DOLPP1: variants seen among roughly 807,000 people sequenced by gnomAD.
DOLPP1 encodes dolichyl pyrophosphate phosphatase 1.
In DOLPP1, 15 loss-of-function variants were observed where a neutral mutation model predicts 34.1. The observed-to-expected ratio is 0.44, with a 90% CI of 0.29 to 0.68. DOLPP1 has a LOEUF of 0.68. Ranked by LOEUF, DOLPP1 falls within the 30% of genes least tolerant of loss-of-function variation. DOLPP1 has a pLI of 0.12. For synonymous variants in DOLPP1, 130 were observed against 128.2 expected (o/e 1.01, Z -0.10); for missense variants, 249 against 307.1 (o/e 0.81, Z 1.41).
intron 7 of DOLPP1, 47 bp downstream of exon 7, chr9:129,086,845 C>G: frequency 6.4e-7 from 1 of 1,550,654 alleles, no homozygotes; most frequent in African/African-American, 1.4e-5. Flanking sequence ...CACAGGCAGC[C>G]TCTGCCTCCA....
chr9:129,082,248 T>G (rs1432911606), intron 1 of DOLPP1, among the ~76,000 whole-genome samples: 5 of 152,206 alleles, frequency 3.3e-5, no homozygotes, highest in Non-Finnish European at 5.9e-5. Flanking sequence ...CAGGACTGAA[T>G]GCCAAAGAAC....
intron 1 of DOLPP1, 71 bp downstream of exon 1, chr9:129,081,278 C>A (rs997607782): frequency 2.5e-6 from 4 of 1,572,910 alleles, no homozygotes; most frequent in Admixed American, 3.5e-5. Flanking sequence ...CTCCGGCCTG[C>A]TCGAGCCCGC....
At chr9:129,087,255 C>G (rs576418640) in intron 7 of DOLPP1, among the ~76,000 whole-genome samples, 3 of 151,944 alleles carry the variant, frequency 2.0e-5, no homozygotes, top group African/African-American at 4.8e-5. Flanking sequence ...CATGCTGTTT[C>G]ATTCACCCCA....
chr9:129,085,123 C>T lies in DOLPP1; in HGVS notation c.262+16C>T, dbSNP rs975664693. ...CCCTGTGGAGGTAGGGCCTCAGCTG[C>T]GAGGGCCTGAGGTTCCCCCAGGTTG... On this transcript the variant is annotated intron_variant, in intron 3 of 7. Coordinates refer to ENST00000372546, the MANE Select transcript of DOLPP1 (RefSeq NM_020438.5). The surrounding 1 kb of genome is among the most constrained non-coding windows in gnomAD (Gnocchi z 7.0). 6 of 1,603,234 alleles carry T rather than the reference C, an allele frequency of 3.7e-6. No homozygotes were observed. Among genetic ancestry groups the T allele is most frequent in the East Asian group, 2.2e-5 (1 of 44,850 alleles).
In DOLPP1 at chr9:129,089,137, TC is replaced by T; in HGVS notation, c.*131del. ...AGTCACCAAGTGGAGCCTTTTTTTT[TC>T]TTATTTTAATTTTAATGAACAAGGT... On this transcript the variant is annotated 3_prime_UTR_variant, in exon 8 of 8. Transcript: ENST00000372546. The surrounding 1 kb of genome is among the most constrained non-coding windows in gnomAD (Gnocchi z 4.9). 1.1e-6 allele frequency: 1 copy of T among 895,844 alleles called. No homozygotes were observed. The highest frequency in any genetic ancestry group is 1.7e-6 in the Non-Finnish European group (1 of 585,982). 55.5% of individuals were successfully genotyped at this position (895,844 alleles called of 1,614,324 possible).
chr9:129,081,343 G>C, intron 1 of DOLPP1, 136 bp downstream of exon 1: 2 of 1,117,798 alleles, frequency 1.8e-6, no homozygotes, highest in Middle Eastern at 3.0e-4. Flanking sequence ...ACCACGGAGG[G>C]GCTCGGCCGG....
rs549882728 is a variant in DOLPP1, at chr9:129,088,887, G to T, written c.681-84G>T. The T allele has an allele frequency of 1.2e-5, 17 of 1,431,616 alleles. No individual in the cohort carries two copies. In the East Asian group the frequency reaches 1.8e-4, roughly 15 times the overall value. 88.7% of individuals were successfully genotyped at this position (1,431,616 alleles called of 1,614,324 possible). On this transcript the variant is annotated intron_variant, in intron 7 of 7. Transcript: ENST00000372546. ...CTGGGTGTGGGCATTTGCCTACTTA[G>T]TTGGGACTACGGGTGGGGTGGGGAC...
chr9:129,084,888 C>T (rs940329725), intron 2 of DOLPP1, 120 bp downstream of exon 2: 28 of 1,137,632 alleles, frequency 2.5e-5, no homozygotes, highest in Admixed American at 4.0e-5. Flanking sequence ...TCTTGAGGTG[C>T]GTGGAGCCTC....
In DOLPP1 at chr9:129,085,641, C is replaced by T. The variant is rs756848970; in HGVS notation, c.461+25C>T. On this transcript the variant is annotated intron_variant, in intron 5 of 7. Transcript: ENST00000372546. The surrounding 1 kb of genome is among the most constrained non-coding windows in gnomAD (Gnocchi z 7.0). ...GGTATGGAGGAGGGAGAGCCCCTGC[C>T]TGCACCCTGCCCATGTGGGGTCCTG... 2 of 1,579,570 alleles carry T rather than the reference C, an allele frequency of 1.3e-6. No individual in the cohort carries two copies. The highest frequency in any genetic ancestry group is 1.7e-5 in the Admixed American group (1 of 58,138).
chr9:129,086,357 C>A, intron 6 of DOLPP1, 90 bp downstream of exon 6: 1 of 1,482,918 alleles, frequency 6.7e-7, no homozygotes, highest in East Asian at 2.4e-5. Context: ...GTCTTGACCC[C>A]AGCCCCTGTC....
rs898305053 is a variant in DOLPP1 at position 129,081,171 on chromosome 9, C to T, written c.40C>T (p.Arg14Trp). ...ACAGTGCTCGCTCCCCGCTTCATGGCGGCCGGTGACCCTCACCCACGTCGA... is the reference window on the plus strand; with the variant it reads ...ACAGTGCTCGCTCCCCGCTTCATGGTGGCCGGTGACCCTCACCCACGTCGA... The part of the protein sequence containing the change: ...DGQCSLPASW[R>W]PVTLTHVEYP... Residue 14 changes from arginine (R) to tryptophan (W), a missense_variant, in exon 1 of 8, where the codon CGG (arginine) becomes TGG (tryptophan). Arg to Trp is a moderately radical substitution (Grantham distance 101). Transcript: ENST00000372546. 1.9e-6 allele frequency: 3 copies of T among 1,609,898 alleles called. No individual in the cohort carries two copies. Among genetic ancestry groups the T allele is most frequent in the African/African-American group, 2.7e-5 (2 of 74,790 alleles).
intron 7 of DOLPP1, among the ~76,000 whole-genome samples, chr9:129,087,961 A>T (rs111840376): frequency 2.0e-5 from 3 of 151,626 alleles, no homozygotes; most frequent in African/African-American, 7.3e-5. Context: ...ATCTCAGGGC[A>T]CACCTGTTCT....
intron 7 of DOLPP1, 116 bp downstream of exon 7, chr9:129,086,914 C>A: frequency 1.2e-6 from 1 of 815,888 alleles, no homozygotes; most frequent in Non-Finnish European, 2.1e-6. Flanking sequence ...TGCATTAACT[C>A]ATTGAATCCT....
At chr9:129,083,262 G>T (rs966487293) in intron 1 of DOLPP1, among the ~76,000 whole-genome samples, 3 of 152,202 alleles carry the variant, frequency 2.0e-5, no homozygotes, top group Admixed American at 6.5e-5. Flanking sequence ...CCAGGGTAGT[G>T]CTGGCTCTGG....
In DOLPP1 at chr9:129,084,477, TA is replaced by T. The variant is rs1588430933; in HGVS notation, c.77-190del. On this transcript the variant is annotated intron_variant, in intron 1 of 7. Transcript: ENST00000372546. ...CTGTGTGCACTTTAGTGCTAAGTAG[TA>T]GACAGCATCACGTATGGCTGTGACT... The T allele has an allele frequency of 1.8e-5, 12 of 678,982 alleles. No homozygotes were observed. The East Asian group carries it at 3.0e-4, about 17-fold the overall frequency. 42.1% of individuals were successfully genotyped at this position (678,982 alleles called of 1,614,324 possible).
intron 7 of DOLPP1, among the ~76,000 whole-genome samples, chr9:129,087,628 T>C (rs907013874): frequency 5.9e-5 from 9 of 152,088 alleles, no homozygotes; most frequent in Admixed American, 3.9e-4. Context: ...AGGCCGGCCC[T>C]TCTCTGGGTT....
chr9:129,083,657 C>T (rs777512993), intron 1 of DOLPP1, among the ~76,000 whole-genome samples: 1 of 152,228 alleles, frequency 6.6e-6, no homozygotes, highest in Non-Finnish European at 1.5e-5. Flanking sequence ...CTCTCCACCT[C>T]TGCCCCAACA....
rs1023950260 is a variant in DOLPP1, at chr9:129,085,391, C to G, written c.362+85C>G. On this transcript the variant is annotated intron_variant, in intron 4 of 7. Coordinates refer to ENST00000372546, the MANE Select transcript of DOLPP1 (RefSeq NM_020438.5). The surrounding 1 kb of genome is among the most constrained non-coding windows in gnomAD (Gnocchi z 7.0). The stretch of plus-strand genomic sequence containing the variant: ...ACTCACTGCTAGCCCTTTGGATGCC[C>G]CTGGGGTGGGAGGGGCTGCAGCGGA... 6.5e-7 allele frequency: 1 copy of G among 1,529,658 alleles called. No homozygotes were observed. Among genetic ancestry groups the G allele is most frequent in the Non-Finnish European group, 9.0e-7 (1 of 1,105,446 alleles). 94.8% of individuals were successfully genotyped at this position (1,529,658 alleles called of 1,614,324 possible).
chr9:129,087,860 C>G (rs1302724368), intron 7 of DOLPP1, among the ~76,000 whole-genome samples: 1 of 151,774 alleles, frequency 6.6e-6, no homozygotes, highest in African/African-American at 2.4e-5. Context: ...CAGAAAGGTC[C>G]CAGCTGGCCC....
Sources: gnomAD v4.1 joint callset for allele counts (sites outside exome capture counted in the v4.1 genomes callset) on GRCh38, gnomAD v4.1.1 for gene constraint, Gnocchi (gnomAD v3.1) non-coding constraint, MANE v1.5 for transcripts, NCBI Gene and HGNC (gene_info 2026-07-23, HGNC 2026-07-21) for gene names.